Variants in CSMD1 observed in about 807,000 individuals in gnomAD.
CSMD1 encodes CUB and Sushi multiple domains 1.
Under a neutral mutation model 417.5 loss-of-function variants are expected in CSMD1, and 213 were observed. That is an observed-to-expected ratio of 0.51 (90% CI 0.46 to 0.57). The LOEUF is 0.57. Ranked by LOEUF, CSMD1 falls within the 20% of genes least tolerant of loss-of-function variation. The pLI is 0.00. For missense variants in CSMD1, 6,923 were observed against 4,529.7 expected (o/e 1.53, Z -15.17); for synonymous variants, 2,862 against 1,736.8 (o/e 1.65, Z -16.11).
rs530496466 is a variant in CSMD1, at chr8:4,271,494, A to C, written c.415+148459T>G. Among the ~76,000 whole-genome samples the C allele has an allele frequency of 1.6e-3, 242 of 152,268 alleles. 2 individuals carry two copies. Among genetic ancestry groups the C allele is most frequent in the Admixed American group, 2.9e-3 (45 of 15,288 alleles). On this transcript the variant is annotated intron_variant, in intron 3 of 69. Coordinates refer to ENST00000635120, the MANE Select transcript of CSMD1 (RefSeq NM_033225.6). ...GCAATACATTTTTCATAGAGAAAAAACTGCATCAAAATCAGGAGATCTAAA... is the reference window on the plus strand; with the variant it reads ...GCAATACATTTTTCATAGAGAAAAACCTGCATCAAAATCAGGAGATCTAAA...
intron 2 of CSMD1, among the ~76,000 whole-genome samples, chr8:4,512,549 A>T (rs1294914123): frequency 6.6e-6 from 1 of 152,170 alleles, no homozygotes; most frequent in Non-Finnish European, 1.5e-5. Context: ...TGAGAAAAAA[A>T]ATCACCTTCC....
intron 3 of CSMD1, among the ~76,000 whole-genome samples, chr8:4,245,413 A>C (rs1383130639): frequency 6.6e-6 from 1 of 152,122 alleles, no homozygotes; most frequent in South Asian, 2.1e-4. Context: ...CTGATGATGC[A>C]AAGGGAGGAG....
In CSMD1 at chr8:3,936,762, A is replaced by T. The variant is rs866939821; in HGVS notation, c.818+61141T>A. Among the ~76,000 whole-genome samples the T allele has an allele frequency of 4.6e-5, 7 of 152,216 alleles. No homozygotes were observed. In the East Asian group the frequency reaches 7.7e-4, roughly 17 times the overall value. ...CACAACATCCATTCTGCAGCCCAAG[A>T]AACACGAAAAACTTTTGACTTTCAA... is the stretch of plus-strand genomic sequence containing the variant. On this transcript the variant is annotated intron_variant, in intron 5 of 69. Transcript: ENST00000635120.
At chr8:4,388,130 T>G (rs1803583883) in intron 3 of CSMD1, among the ~76,000 whole-genome samples, 1 of 152,120 alleles carries the variant, frequency 6.6e-6, no homozygotes. Context: ...TAAATGTAAT[T>G]ATTTAAAAAC....
intron 5 of CSMD1, among the ~76,000 whole-genome samples, chr8:3,833,420 C>T (rs568967713): frequency 6.6e-6 from 1 of 152,074 alleles, no homozygotes; most frequent in East Asian, 1.9e-4. Flanking sequence ...TTTAATTTTG[C>T]CATATTTTAT....
At chr8:3,173,958 A>G (rs1781233712) in intron 37 of CSMD1, among the ~76,000 whole-genome samples, 1 of 152,206 alleles carries the variant, frequency 6.6e-6, no homozygotes, top group African/African-American at 2.4e-5. Context: ...CAAAGGACAT[A>G]AGGCATTTTC....
rs369451688 is a variant in CSMD1, at chr8:3,199,723, C to T, written c.5185G>A (p.Val1729Met). The change falls in exon 33 of 70, where the codon GTG (valine) becomes ATG (methionine). Residue 1729 changes from valine (V) to methionine (M), a missense_variant. Val to Met is a conservative substitution (Grantham distance 21). Coordinates refer to ENST00000635120, the MANE Select transcript of CSMD1 (RefSeq NM_033225.6). ...SGASARGFHF[V>M]YQAVPRTSDT... is the part of the protein sequence containing the mutation. ...GTGGAGTGACGCTTACCTTGATACA[C>T]GAAGTGGAAGCCGCGGGCAGAGGCA... The T allele has an allele frequency of 6.3e-6, 10 of 1,583,996 alleles. No homozygotes were observed. The highest frequency in any genetic ancestry group is 2.3e-5 in the South Asian group (2 of 86,280).
intron 26 of CSMD1, among the ~76,000 whole-genome samples, chr8:3,281,829 G>C (rs1802763755): frequency 6.6e-6 from 1 of 152,130 alleles, no homozygotes; most frequent in Non-Finnish European, 1.5e-5. Flanking sequence ...CACTGTTGGA[G>C]GTAGTGCCTG....
At chr8:4,167,518 A>C (rs759914002) in intron 3 of CSMD1, among the ~76,000 whole-genome samples, 1 of 152,184 alleles carries the variant, frequency 6.6e-6, no homozygotes. Context: ...AAATGTATGT[A>C]GCTACCTCTG....
intron 7 of CSMD1, among the ~76,000 whole-genome samples, chr8:3,686,433 G>A (rs1485960141): frequency 2.0e-5 from 3 of 152,072 alleles, no homozygotes; most frequent in Admixed American, 1.3e-4. Flanking sequence ...GCTGGTGGAT[G>A]GGTTAAGAAT....
intron 12 of CSMD1, among the ~76,000 whole-genome samples, chr8:3,411,486 T>A (rs1812696834): frequency 6.6e-6 from 1 of 151,780 alleles, no homozygotes; most frequent in Admixed American, 6.6e-5. Context: ...ATTTTATCAT[T>A]CTTATGCCTT....
chr8:3,861,945 G>T (rs540982732), intron 5 of CSMD1, among the ~76,000 whole-genome samples: 1 of 152,162 alleles, frequency 6.6e-6, no homozygotes, highest in East Asian at 1.9e-4. Flanking sequence ...GTCAATCTTT[G>T]TACCCTGGTT....
At chr8:4,430,893 C>A (rs540004115) in intron 2 of CSMD1, among the ~76,000 whole-genome samples, 2 of 152,122 alleles carry the variant, frequency 1.3e-5, no homozygotes, top group African/African-American at 2.4e-5. Context: ...ACCAGCTTCT[C>A]CTGAATGGTA....
At chr8:4,940,211 C>G (rs1048203794) in intron 1 of CSMD1, among the ~76,000 whole-genome samples, 8 of 152,036 alleles carry the variant, frequency 5.3e-5, no homozygotes, top group Admixed American at 2.6e-4. Context: ...TCCTGGCCAC[C>G]CTAGTCAAAG....
At chr8:4,597,730 G>A (rs1362193225) in intron 2 of CSMD1, among the ~76,000 whole-genome samples, 1 of 152,034 alleles carries the variant, frequency 6.6e-6, no homozygotes, top group Non-Finnish European at 1.5e-5. Context: ...ATGAAAAACT[G>A]TAGTTTAGCT....
intron 3 of CSMD1, among the ~76,000 whole-genome samples, chr8:4,253,834 G>T (rs1346761556): frequency 6.8e-6 from 1 of 146,624 alleles, no homozygotes; most frequent in East Asian, 2.0e-4. Context: ...TTATCCTATT[G>T]CTAAGGAGGT....
At chr8:4,172,017 A>G (rs749993319) in intron 3 of CSMD1, among the ~76,000 whole-genome samples, 1 of 152,210 alleles carries the variant, frequency 6.6e-6, no homozygotes. Flanking sequence ...AAAGCAGCAC[A>G]TAATATTTTC....
chr8:3,541,471 G>A (rs1015388146), intron 10 of CSMD1, among the ~76,000 whole-genome samples: 1 of 151,454 alleles, frequency 6.6e-6, no homozygotes, highest in Non-Finnish European at 1.5e-5. Context: ...AAACCACCAT[G>A]GTTCATGTTT....
intron 49 of CSMD1, among the ~76,000 whole-genome samples, chr8:3,083,784 C>A (rs1814321313): frequency 6.7e-6 from 1 of 149,412 alleles, no homozygotes; most frequent in Non-Finnish European, 1.5e-5. Context: ...CTCAGCCTCC[C>A]AAGCAGCTGG....
Sources: gnomAD v4.1 joint callset for allele counts (sites outside exome capture counted in the v4.1 genomes callset) on GRCh38, gnomAD v4.1.1 for gene constraint, MANE v1.5 for transcripts, NCBI Gene and HGNC (gene_info 2026-07-23, HGNC 2026-07-21) for gene names.